Variants in HCN3 observed in about 807,000 individuals in gnomAD.
The protein encoded by HCN3 is potassium/sodium hyperpolarization-activated cyclic nucleotide-gated channel 3.
In HCN3, 36 loss-of-function variants were observed where a neutral mutation model predicts 56.8. The observed-to-expected ratio is 0.63, with a 90% CI of 0.49 to 0.84. The LOEUF (loss-of-function observed/expected upper bound fraction) is 0.84. Ranked by LOEUF, HCN3 falls within the 40% of genes least tolerant of loss-of-function variation. HCN3 has a pLI of 0.00. For synonymous variants in HCN3, 425 were observed against 439.7 expected (o/e 0.97, Z 0.42); for missense variants, 930 against 1,079.3 (o/e 0.86, Z 1.94).
Position 155,282,314 on chromosome 1 carries a change from C to A in HCN3, c.279-97C>A. 1 of 1,148,112 alleles carries A rather than the reference C, an allele frequency of 8.7e-7. No homozygotes were observed. Among genetic ancestry groups the A allele is most frequent in the Non-Finnish European group, 1.3e-6 (1 of 781,548 alleles). The allele number at this position is 1,148,112 out of a possible 1,614,324, so 71.1% of individuals were successfully genotyped here. A position where few individuals can be genotyped will look rare whatever the true frequency, so the allele number is the denominator to read the frequency against. On this transcript the variant is annotated intron_variant, in intron 1 of 7. Transcript: ENST00000368358. This position sits in a 1 kb window ranked among gnomAD's most constrained non-coding sequence, Gnocchi z 4.7. Reference sequence around the variant, plus strand: ...AAACAGTCATTCTGTTATTGTGTATCTTTGCCCATTCTTGGCCATGTCAGC... The same window carrying A: ...AAACAGTCATTCTGTTATTGTGTATATTTGCCCATTCTTGGCCATGTCAGC...
At position 155,286,000 on chromosome 1, in the gene HCN3, G is replaced by A. The variant is rs1273580685; in HGVS notation, c.1477+36G>A. On this transcript the variant is annotated intron_variant, in intron 6 of 7. Coordinates refer to ENST00000368358, the MANE Select transcript of HCN3 (RefSeq NM_020897.3). The surrounding 1 kb of genome is among the most constrained non-coding windows in gnomAD (Gnocchi z 4.5). The stretch of plus-strand genomic sequence containing the variant: ...CTCAGGGAGGGTGGCAGGGTCACGA[G>A]CAGACAGTGGAGAGGGCAACTGCTC... 3.2e-6 allele frequency: 5 copies of A among 1,546,260 alleles called. No individual in the cohort carries two copies. The highest frequency in any genetic ancestry group is 4.4e-6 in the Non-Finnish European group (5 of 1,143,422).
At position 155,277,800 on chromosome 1, in the gene HCN3, A is replaced by C. The variant is rs1484989700; in HGVS notation, c.210A>C (p.Ala70=). Residue 70 remains alanine, a synonymous_variant, in exon 1 of 8, where the codon GCA becomes GCC. Coordinates refer to ENST00000368358, the MANE Select transcript of HCN3 (RefSeq NM_020897.3). ...TTCGGGTGTTCGGCAGCCACAAAGCAGTGGAAATCGAGCAGGAGCGGGTGA... is the reference window on the plus strand; with the variant it reads ...TTCGGGTGTTCGGCAGCCACAAAGCCGTGGAAATCGAGCAGGAGCGGGTGA... ...FSLRVFGSHK[A]VEIEQERVKS... is the part of the protein sequence containing the mutation. 1 of 1,612,528 alleles carries C rather than the reference A, an allele frequency of 6.2e-7. No homozygotes were observed. Among genetic ancestry groups the C allele is most frequent in the Non-Finnish European group, 8.5e-7 (1 of 1,179,906 alleles).
intron 1 of HCN3, among the ~76,000 whole-genome samples, chr1:155,280,227 G>A (rs1673968580): frequency 6.6e-6 from 1 of 151,612 alleles, no homozygotes; most frequent in African/African-American, 2.4e-5. Flanking sequence ...TTACAGGTGT[G>A]AGCCACCACA....
At position 155,286,346 on chromosome 1, in the gene HCN3, T is replaced by C. The variant is rs555329914; in HGVS notation, c.1477+382T>C. On this transcript the variant is annotated intron_variant, in intron 6 of 7. Transcript: ENST00000368358. The stretch of plus-strand genomic sequence containing the variant: ...ATTTTTAGTAGAGACGGGGTTTCAC[T>C]GTGTTAGCCAGGATGGTCTCGATCT... Among the ~76,000 whole-genome samples the C allele has an allele frequency of 4.7e-3, 717 of 152,126 alleles. 2 individuals carry two copies. Among genetic ancestry groups the C allele is most frequent in the African/African-American group, 0.016 (684 of 41,520 alleles).
Position 155,287,294 on chromosome 1 carries a change from C to T in HCN3, c.1599C>T (p.Arg533=), listed in dbSNP as rs1356550435. 6 of 1,613,888 alleles carry T rather than the reference C, an allele frequency of 3.7e-6. No individual in the cohort carries two copies. Among genetic ancestry groups the T allele is most frequent in the Middle Eastern group, 1.6e-4 (1 of 6,082 alleles). ...NAVLEEFPMM[R]RAFETVAMDR... is the part of the protein sequence containing the mutation. ...TGCTTGAGGAGTTCCCCATGATGCG[C>T]CGGGCCTTTGAGACTGTGGCCATGG... Residue 533 remains arginine, a synonymous_variant, in exon 7 of 8, where the codon CGC becomes CGT. Coordinates refer to ENST00000368358, the MANE Select transcript of HCN3 (RefSeq NM_020897.3).
chr1:155,289,331 A>G lies in HCN3; in HGVS notation c.*868A>G, dbSNP rs910485501. 1 of 152,000 alleles carries G rather than the reference A, an allele frequency of 6.6e-6. No homozygotes were observed. Among genetic ancestry groups the G allele is most frequent in the South Asian group, 2.1e-4 (1 of 4,814 alleles). The allele number at this position is 152,000 out of a possible 1,614,324, so 9.4% of individuals were successfully genotyped here. A position where few individuals can be genotyped will look rare whatever the true frequency, so the allele number is the denominator to read the frequency against. On this transcript the variant is annotated 3_prime_UTR_variant, in exon 8 of 8. Coordinates refer to ENST00000368358, the MANE Select transcript of HCN3 (RefSeq NM_020897.3). ...TTGTATTTATTCATTTACTAACTTT[A>G]TGTGTTACCAATTAATTTTGTTTAC...
At chr1:155,281,262 G>T (rs1674037557) in intron 1 of HCN3, among the ~76,000 whole-genome samples, 1 of 150,520 alleles carries the variant, frequency 6.6e-6, no homozygotes, top group Non-Finnish European at 1.5e-5. Context: ...GTACAGACGG[G>T]GTTTCACCAT....
chr1:155,286,215 G>C (rs1254355099), intron 6 of HCN3, among the ~76,000 whole-genome samples: 1 of 152,024 alleles, frequency 6.6e-6, no homozygotes, highest in East Asian at 1.9e-4. Flanking sequence ...GCGCAATCTC[G>C]GCTCACTGAA....
intron 1 of HCN3, among the ~76,000 whole-genome samples, chr1:155,279,009 C>T (rs186219105): frequency 1.5e-4 from 23 of 152,322 alleles, no homozygotes; most frequent in Admixed American, 1.3e-3. Context: ...TCCCTCCCCT[C>T]TCTTAGTGTC....
Position 155,285,808 on chromosome 1 carries a change from C to A in HCN3, c.1321C>A (p.Leu441Ile), listed in dbSNP as rs748516371. Residue 441 changes from leucine (L) to isoleucine (I), a missense_variant, in exon 6 of 8, where the codon CTC becomes ATC. Leu to Ile is a conservative substitution (Grantham distance 5). Coordinates refer to ENST00000368358, the MANE Select transcript of HCN3 (RefSeq NM_020897.3). This position sits in a 1 kb window ranked among gnomAD's most constrained non-coding sequence, Gnocchi z 4.5. ...HADPSFVTAVLTKLRFEVFQP... is the reference protein window; with the variant it reads ...HADPSFVTAVITKLRFEVFQP... ...CGACCCCAGCTTCGTCACTGCAGTT[C>A]TCACCAAGCTGCGCTTTGAGGTCTT... 1 of 1,614,104 alleles carries A rather than the reference C, an allele frequency of 6.2e-7. No individual in the cohort carries two copies. Among genetic ancestry groups the A allele is most frequent in the Non-Finnish European group, 8.5e-7 (1 of 1,180,048 alleles).
chr1:155,280,434 T>TA (rs1359591916), intron 1 of HCN3, among the ~76,000 whole-genome samples: 1 of 149,582 alleles, frequency 6.7e-6, no homozygotes, highest in Admixed American at 6.7e-5. Flanking sequence ...CACACCTGGC[T>TA]AATTTTTTTT....
rs1264754799 is a variant in HCN3, at chr1:155,285,456, G to A, written c.1236+145G>A. 5 of 1,130,200 alleles carry A rather than the reference G, an allele frequency of 4.4e-6. No individual in the cohort carries two copies. In the East Asian group the frequency reaches 1.0e-4, roughly 23 times the overall value. 70.0% of individuals were successfully genotyped at this position (1,130,200 alleles called of 1,614,324 possible). On this transcript the variant is annotated intron_variant, in intron 5 of 7. Coordinates refer to ENST00000368358, the MANE Select transcript of HCN3 (RefSeq NM_020897.3). This position sits in a 1 kb window ranked among gnomAD's most constrained non-coding sequence, Gnocchi z 4.5. Reference sequence around the variant, plus strand: ...GGAGGCCAGGTATTTGGGCTTTCAGGGGCTAGGGTCTTTCTTGAAGGCCCT... The same window carrying A: ...GGAGGCCAGGTATTTGGGCTTTCAGAGGCTAGGGTCTTTCTTGAAGGCCCT...
chr1:155,286,115 G>T lies in HCN3; in HGVS notation c.1477+151G>T, dbSNP rs11264353. 5.4e-6 allele frequency: 6 copies of T among 1,119,292 alleles called. No homozygotes were observed. Among genetic ancestry groups the T allele is most frequent in the African/African-American group, 1.6e-5 (1 of 63,648 alleles). 69.3% of individuals were successfully genotyped at this position (1,119,292 alleles called of 1,614,324 possible). On this transcript the variant is annotated intron_variant, in intron 6 of 7. Coordinates refer to ENST00000368358, the MANE Select transcript of HCN3 (RefSeq NM_020897.3). ...TACTCAGTGAGAATCTCTGGGCTGG[G>T]GTCTGGAGCTCTATAGTTTTTGTTT...
At chr1:155,280,420 C>T (rs1673977364) in intron 1 of HCN3, among the ~76,000 whole-genome samples, 1 of 151,396 alleles carries the variant, frequency 6.6e-6, no homozygotes, top group South Asian at 2.1e-4. Flanking sequence ...CAGGTGCGCG[C>T]CACCACACCT....
chr1:155,284,766 G>A lies in HCN3; in HGVS notation c.1089+9G>A, dbSNP rs1674209241. The A allele has an allele frequency of 1.2e-6, 2 of 1,607,704 alleles. No individual in the cohort carries two copies. Among genetic ancestry groups the A allele is most frequent in the East Asian group, 2.2e-5 (1 of 44,716 alleles). The stretch of plus-strand genomic sequence containing the variant: ...GTCAGTACCAGGAGAAGGTCAGCAG[G>A]GACAGGAGAGGGAGGTGTGGCATGG... On this transcript the variant is annotated intron_variant, in intron 4 of 7. Coordinates refer to ENST00000368358, the MANE Select transcript of HCN3 (RefSeq NM_020897.3). The surrounding 1 kb of genome is among the most constrained non-coding windows in gnomAD (Gnocchi z 4.3).
rs372807362 is a variant in HCN3, at chr1:155,285,779, A to G, written c.1292A>G (p.His431Arg). ...GLVAHMPLFA[H>R]ADPSFVTAVL... Reference sequence around the variant, plus strand: ...GTGGCCCACATGCCGCTGTTTGCCCATGCCGACCCCAGCTTCGTCACTGCA... The same window carrying G: ...GTGGCCCACATGCCGCTGTTTGCCCGTGCCGACCCCAGCTTCGTCACTGCA... Residue 431 changes from histidine (H) to arginine (R), a missense_variant, in exon 6 of 8, where the codon CAT (histidine) becomes CGT (arginine). Transcript: ENST00000368358. The surrounding 1 kb of genome is among the most constrained non-coding windows in gnomAD (Gnocchi z 4.5). The G allele has an allele frequency of 1.1e-5, 17 of 1,613,800 alleles. No homozygotes were observed. The highest frequency in any genetic ancestry group is 1.7e-5 in the Admixed American group (1 of 59,974).
intron 6 of HCN3, among the ~76,000 whole-genome samples, chr1:155,286,671 C>T (rs2148185208): frequency 6.6e-6 from 1 of 152,296 alleles, no homozygotes; most frequent in African/African-American, 2.4e-5. Context: ...GCAGTTCAGC[C>T]TTCCACTGCC....
At chr1:155,278,530 C>T (rs754073820) in intron 1 of HCN3, 33 of 154,344 alleles carry the variant, frequency 2.1e-4, no homozygotes, top group Non-Finnish European at 4.0e-4. Context: ...TTCACAGTCT[C>T]CGTCAGGGTG....
At chr1:155,287,383 C>T (rs1241505590) in intron 7 of HCN3, 46 bp downstream of exon 7, 2 of 1,602,846 alleles carry the variant, frequency 1.2e-6, no homozygotes, top group Non-Finnish European at 1.7e-6. Context: ...ACTGTGCTCT[C>T]ACCCCACCTC....
Sources: allele counts gnomAD v4.1 joint callset (sites outside exome capture counted in the v4.1 genomes callset), GRCh38; gene constraint gnomAD v4.1.1; non-coding constraint Gnocchi (gnomAD v3.1); transcripts MANE v1.5; gene names NCBI Gene and HGNC (gene_info 2026-07-23, HGNC 2026-07-21).